PIK3CB: variants seen among roughly 807,000 people sequenced by gnomAD.
PIK3CB encodes phosphatidylinositol 4,5-bisphosphate 3-kinase catalytic subunit beta isoform.
A neutral mutation model predicts 136.8 loss-of-function variants in PIK3CB; 39 were observed. The observed-to-expected ratio is 0.29, with a 90% CI of 0.22 to 0.37. The LOEUF is 0.37. PIK3CB is among the 10% of genes least tolerant of loss of function. PIK3CB has a pLI of 1.00. For synonymous variants in PIK3CB, 428 were observed against 436.6 expected (o/e 0.98, Z 0.25); for missense variants, 868 against 1,275.4 (o/e 0.68, Z 4.87).
chr3:138,708,186 T>C (rs2044417618), intron 10 of PIK3CB, among the ~76,000 whole-genome samples: 1 of 152,142 alleles, frequency 6.6e-6, no homozygotes, highest in South Asian at 2.1e-4. Flanking sequence ...GGAAAATCTT[T>C]ACAAGTTTTC....
At chr3:138,696,179 AC>A (rs2044133846) in intron 13 of PIK3CB, among the ~76,000 whole-genome samples, 1 of 149,206 alleles carries the variant, frequency 6.7e-6, no homozygotes, top group East Asian at 2.0e-4. Flanking sequence ...TTAAATTTTA[AC>A]CTTTTTTTTT....
At chr3:138,806,291 G>T (rs2046233760) in intron 1 of PIK3CB, among the ~76,000 whole-genome samples, 1 of 152,092 alleles carries the variant, frequency 6.6e-6, no homozygotes. Flanking sequence ...TTCGAGACCA[G>T]CCTGGCCAAC....
At chr3:138,721,905 C>A (rs746436036) in intron 8 of PIK3CB, among the ~76,000 whole-genome samples, 2 of 152,146 alleles carry the variant, frequency 1.3e-5, no homozygotes, top group African/African-American at 4.8e-5. Context: ...ATTCCCTAAG[C>A]ATATCTCTCT....
At chr3:138,785,175 C>T (rs1318604859) in intron 2 of PIK3CB, among the ~76,000 whole-genome samples, 1 of 150,582 alleles carries the variant, frequency 6.6e-6, no homozygotes, top group African/African-American at 2.4e-5. Context: ...TCAGCCGCCC[C>T]GTCCGGGAGG....
At chr3:138,779,979 AC>A (rs2045905604) in intron 2 of PIK3CB, among the ~76,000 whole-genome samples, 1 of 151,760 alleles carries the variant, frequency 6.6e-6, no homozygotes, top group Non-Finnish European at 1.5e-5. Flanking sequence ...TTCTTTTGAG[AC>A]AGAGTCTCGC....
chr3:138,691,680 T>C (rs1246616225), intron 14 of PIK3CB, among the ~76,000 whole-genome samples: 1 of 152,236 alleles, frequency 6.6e-6, no homozygotes, highest in Non-Finnish European at 1.5e-5. Flanking sequence ...CATGTGGAAC[T>C]GTGAGTCAAT....
chr3:138,774,253 T>C (rs2045832530), intron 2 of PIK3CB, among the ~76,000 whole-genome samples: 1 of 152,220 alleles, frequency 6.6e-6, no homozygotes, highest in South Asian at 2.1e-4. Context: ...TGTTTGTCTC[T>C]TTCAGATAGC....
chr3:138,680,707 A>G (rs1458440271), intron 19 of PIK3CB, among the ~76,000 whole-genome samples: 1 of 150,100 alleles, frequency 6.7e-6, no homozygotes, highest in Non-Finnish European at 1.5e-5. Context: ...TAATTTTTTG[A>G]GACAAAGTTT....
intron 11 of PIK3CB, among the ~76,000 whole-genome samples, chr3:138,705,180 AC>A (rs1332150349): frequency 0.011 from 961 of 84,072 alleles, 143 homozygotes; most frequent in East Asian, 0.047. Context: ...AAAACAAAAA[AC>A]AAAACAAACA....
intron 4 of PIK3CB, among the ~76,000 whole-genome samples, chr3:138,744,715 T>C (rs528117435): frequency 2.0e-5 from 3 of 152,340 alleles, no homozygotes; most frequent in South Asian, 2.1e-4. Flanking sequence ...GGCCATATTA[T>C]AAAAGAAGTA....
At chr3:138,714,422 T>C in intron 9 of PIK3CB, 46 bp downstream of exon 9, 1 of 1,349,962 alleles carries the variant, frequency 7.4e-7, no homozygotes, top group Non-Finnish European at 1.0e-6. Context: ...AGTCTTAAAA[T>C]TATTCCGTTA....
intron 12 of PIK3CB, among the ~76,000 whole-genome samples, chr3:138,700,592 AAG>A (rs976789684): frequency 1.3e-5 from 2 of 151,620 alleles, no homozygotes; most frequent in African/African-American, 4.8e-5. Context: ...AGAAAGAAAA[AAG>A]AGATGAATGG....
At position 138,707,223 on chromosome 3, in the gene PIK3CB, G is replaced by A. The variant is rs2108560443; in HGVS notation, c.1466C>T (p.Thr489Ile). The change falls in exon 11 of 24, where the codon ACA becomes ATA. Residue 489 changes from threonine (T) to isoleucine (I), a missense_variant. Around this residue, in one of 4 missense-constraint regions of PIK3CB, gnomAD observed 612 missense variants for 801.1 expected, o/e 0.76. Transcript: ENST00000674063. ...VQTNPYTENA[T>I]ALHVKFPENK... ...CTCTGGAAATTTAACATGCAAAGCT[G>A]TTGCATTTTCAGTATATGGATTTGT... The A allele has an allele frequency of 6.2e-7, 1 of 1,612,844 alleles. No homozygotes were observed. Among genetic ancestry groups the A allele is most frequent in the Non-Finnish European group, 8.5e-7 (1 of 1,179,076 alleles).
intron 21 of PIK3CB, among the ~76,000 whole-genome samples, chr3:138,662,138 T>C (rs915981868): frequency 6.6e-6 from 1 of 151,572 alleles, no homozygotes; most frequent in Non-Finnish European, 1.5e-5. Flanking sequence ...TATTTTAAGT[T>C]TTAGGGTACA....
chr3:138,694,797 C>T lies in PIK3CB; in HGVS notation c.1881G>A (p.Leu627=), dbSNP rs2108517186. Residue 627 remains leucine (L), a synonymous_variant, in exon 14 of 24, where the codon CTG becomes CTA. Transcript: ENST00000674063. The stretch of plus-strand genomic sequence containing the variant: ...CCTGCAGAAGATACCTCATCTGTCG[C>T]AGGCAGCCTACAGCATATTCTCGAA... ...QYVREYAVGC[L]RQMSDEELSQ... 1 of 1,612,602 alleles carries T rather than the reference C, an allele frequency of 6.2e-7. No homozygotes were observed. Among genetic ancestry groups the T allele is most frequent in the Non-Finnish European group, 8.5e-7 (1 of 1,179,336 alleles).
chr3:138,779,866 T>C (rs1227848358), intron 2 of PIK3CB, among the ~76,000 whole-genome samples: 1 of 152,132 alleles, frequency 6.6e-6, no homozygotes, highest in Non-Finnish European at 1.5e-5. Context: ...TCTTCTAATA[T>C]ACAGATAACT....
intron 19 of PIK3CB, among the ~76,000 whole-genome samples, chr3:138,678,575 T>C (rs961798108): frequency 6.6e-6 from 1 of 152,066 alleles, no homozygotes; most frequent in African/African-American, 2.4e-5. Context: ...ATAAAATACA[T>C]TCATATTGGA....
At chr3:138,830,568 A>G (rs1417896373) in intron 1 of PIK3CB, among the ~76,000 whole-genome samples, 2 of 151,832 alleles carry the variant, frequency 1.3e-5, no homozygotes, top group Non-Finnish European at 2.9e-5. Flanking sequence ...AAACAAAACA[A>G]AACAAAAAAT....
chr3:138,660,344 G>A (rs1446331961), intron 21 of PIK3CB, among the ~76,000 whole-genome samples: 1 of 152,030 alleles, frequency 6.6e-6, no homozygotes, highest in African/African-American at 2.4e-5. Flanking sequence ...ACCTCTATGT[G>A]CTGATTGTAA....
Sources: gnomAD v4.1 joint callset for allele counts (sites outside exome capture counted in the v4.1 genomes callset) on GRCh38, gnomAD v4.1.1 for gene constraint, gnomAD v4.1.1 regional missense constraint, MANE v1.5 for transcripts, NCBI Gene and HGNC (gene_info 2026-07-23, HGNC 2026-07-21) for gene names.